FBXL20: variants seen among roughly 807,000 people sequenced by gnomAD.
FBXL20 encodes F-box and leucine rich repeat protein 20.
FBXL20 carries 11 observed loss-of-function variants against 64.0 expected under a neutral mutation model. The observed-to-expected ratio is 0.17, with a 90% CI of 0.11 to 0.28. The LOEUF (loss-of-function observed/expected upper bound fraction) is 0.28, where lower values mean the gene tolerates loss of function less well. Ranked by LOEUF, FBXL20 falls within the 10% of genes least tolerant of loss-of-function variation. The pLI, the probability that FBXL20 is intolerant of heterozygous loss-of-function variation, is 1.00. For synonymous variants in FBXL20, 184 were observed against 189.0 expected, an observed-to-expected ratio of 0.97 and a Z score of 0.22; for missense variants, 303 against 526.2, an observed-to-expected ratio of 0.58 and a Z score of 4.15.
chr17:39,307,216 G>A (rs1191092642), intron 2 of FBXL20, among the ~76,000 whole-genome samples: 1 of 152,128 alleles, frequency 6.6e-6, no homozygotes, highest in Non-Finnish European at 1.5e-5. Flanking sequence ...CTACTGTTGA[G>A]TAACTCACGG....
At chr17:39,373,961 C>A (rs1184942052) in intron 1 of FBXL20, among the ~76,000 whole-genome samples, 1 of 152,104 alleles carries the variant, frequency 6.6e-6, no homozygotes, top group African/African-American at 2.4e-5. Flanking sequence ...GTGGTCCACG[C>A]CTGTATTCCC....
Position 39,259,775 on chromosome 17 carries a change from G to C in FBXL20, c.*1685C>G, listed in dbSNP as rs1200273235. The C allele has an allele frequency of 6.6e-6, 1 of 152,122 alleles. No homozygotes were observed. The highest frequency in any genetic ancestry group is 2.4e-5 in the African/African-American group (1 of 41,342). 9.4% of individuals were successfully genotyped at this position (152,122 alleles called of 1,614,324 possible). ...GAGGCAGGTGGATCATTTGAGGTCAGGAGTTCAAGACCAGGCTGGCCAACA... is the reference window on the plus strand; with the variant it reads ...GAGGCAGGTGGATCATTTGAGGTCACGAGTTCAAGACCAGGCTGGCCAACA... On this transcript the variant is annotated 3_prime_UTR_variant, in exon 15 of 15. Transcript: ENST00000264658.
intron 2 of FBXL20, among the ~76,000 whole-genome samples, chr17:39,315,393 T>TTATATATATATA (rs59563317): frequency 0.027 from 3,590 of 134,396 alleles, 120 homozygotes; most frequent in African/African-American, 0.06. Flanking sequence ...TTTAAATAAT[T>TTATATATATATA]TATATATATA....
intron 6 of FBXL20, among the ~76,000 whole-genome samples, chr17:39,287,570 T>C (rs1162982107): frequency 1.3e-5 from 2 of 152,090 alleles, no homozygotes; most frequent in Non-Finnish European, 2.9e-5. Flanking sequence ...TCACACCTAA[T>C]TAAAAAAATT....
intron 2 of FBXL20, among the ~76,000 whole-genome samples, chr17:39,322,107 C>T (rs2047361800): frequency 7.5e-6 from 1 of 132,706 alleles, no homozygotes; most frequent in African/African-American, 2.9e-5. Flanking sequence ...AGGAGGATCA[C>T]TTGAGGGTAG....
intron 2 of FBXL20, among the ~76,000 whole-genome samples, chr17:39,342,776 G>A (rs2144570970): frequency 6.6e-6 from 1 of 151,548 alleles, no homozygotes; most frequent in African/African-American, 2.4e-5. Flanking sequence ...CAGCTACTCA[G>A]GAGGCTGAGG....
At chr17:39,283,093 T>C (rs781282153) in intron 7 of FBXL20, among the ~76,000 whole-genome samples, 1 of 152,166 alleles carries the variant, frequency 6.6e-6, no homozygotes, top group East Asian at 1.9e-4. Flanking sequence ...CATTATAATG[T>C]TTTTCAGATT....
intron 2 of FBXL20, among the ~76,000 whole-genome samples, chr17:39,310,419 C>T (rs2144482312): frequency 6.6e-6 from 1 of 152,174 alleles, no homozygotes; most frequent in East Asian, 1.9e-4. Flanking sequence ...CCGCCAGTTA[C>T]CTAATCTAAG....
intron 1 of FBXL20, among the ~76,000 whole-genome samples, chr17:39,373,590 T>C (rs192406996): frequency 9.0e-4 from 137 of 152,364 alleles, no homozygotes; most frequent in African/African-American, 3.1e-3. Flanking sequence ...GGAATGCTTT[T>C]CTTGAGACCT....
chr17:39,303,518 T>C, intron 3 of FBXL20, 67 bp downstream of exon 3: 1 of 1,310,086 alleles, frequency 7.6e-7, no homozygotes, highest in South Asian at 1.4e-5. Context: ...ATGGATGGCC[T>C]ATGAAAGAGG....
chr17:39,275,123 T>A lies in FBXL20; in HGVS notation c.697-23A>T. The A allele has an allele frequency of 2.5e-6, 4 of 1,595,726 alleles. No individual in the cohort carries two copies. The South Asian group carries it at 4.6e-5, about 18-fold the overall frequency. ...TTGCTAAAAAACAAGAGCAAAAAAA[T>A]CCATAGATATTAGTATCTTAGCAAA... On this transcript the variant is annotated intron_variant, in intron 9 of 14. Transcript: ENST00000264658.
At chr17:39,398,978 G>GTTAA (rs1304209687) in intron 1 of FBXL20, among the ~76,000 whole-genome samples, 1 of 152,034 alleles carries the variant, frequency 6.6e-6, no homozygotes, top group Non-Finnish European at 1.5e-5. Context: ...CGGCCCCTTG[G>GTTAA]TTTTAAATTA....
Position 39,343,200 on chromosome 17 carries a change from A to C in FBXL20, c.84T>G (p.Leu28=). Residue 28 remains leucine, a synonymous_variant, in exon 2 of 15, where the codon CTT becomes CTG. Transcript: ENST00000264658. ...NSDEAVINKK[L]PKELLLRIFS... is the part of the protein sequence containing the mutation. ...CTTACCGTAACAGGAGTTCTTTGGGAAGTTTTTTATTGATTACAGCTTCAT... is the reference window on the plus strand; with the variant it reads ...CTTACCGTAACAGGAGTTCTTTGGGCAGTTTTTTATTGATTACAGCTTCAT... 6.2e-7 allele frequency: 1 copy of C among 1,604,676 alleles called. No individual in the cohort carries two copies. The highest frequency in any genetic ancestry group is 1.3e-5 in the African/African-American group (1 of 74,652).
At chr17:39,306,034 A>G (rs888114120) in intron 2 of FBXL20, among the ~76,000 whole-genome samples, 1 of 151,932 alleles carries the variant, frequency 6.6e-6, no homozygotes, top group East Asian at 1.9e-4. Flanking sequence ...GCATGCTGGT[A>G]TATGCCTGTA....
At chr17:39,363,206 G>T (rs1340300931) in intron 1 of FBXL20, among the ~76,000 whole-genome samples, 7 of 150,900 alleles carry the variant, frequency 4.6e-5, no homozygotes, top group Non-Finnish European at 8.9e-5. Context: ...TAGAGACAGG[G>T]TTTCTCCATG....
intron 1 of FBXL20, among the ~76,000 whole-genome samples, chr17:39,387,739 A>T (rs1182871430): frequency 1.3e-5 from 2 of 151,766 alleles, no homozygotes; most frequent in Non-Finnish European, 2.9e-5. Context: ...CATCATGCCC[A>T]GCTAATTTTT....
intron 1 of FBXL20, among the ~76,000 whole-genome samples, chr17:39,370,391 G>A (rs2047904960): frequency 1.3e-5 from 2 of 152,050 alleles, no homozygotes; most frequent in South Asian, 2.1e-4. Context: ...CTCAGGGGTT[G>A]AGGCAGAAGC....
intron 2 of FBXL20, among the ~76,000 whole-genome samples, chr17:39,331,321 G>T (rs527858768): frequency 1.1e-4 from 17 of 152,046 alleles, no homozygotes; most frequent in Admixed American, 9.2e-4. Context: ...GGCTGGTCTC[G>T]AACTCCTGGA....
At chr17:39,297,787 G>A (rs774799375) in intron 5 of FBXL20, among the ~76,000 whole-genome samples, 2 of 152,190 alleles carry the variant, frequency 1.3e-5, no homozygotes, top group Admixed American at 6.6e-5. Flanking sequence ...CCAGGCTGGA[G>A]TATAGTGGTG....
Sources: gnomAD v4.1 joint callset for allele counts (sites outside exome capture counted in the v4.1 genomes callset) on GRCh38, gnomAD v4.1.1 for gene constraint, MANE v1.5 for transcripts, NCBI Gene and HGNC (gene_info 2026-07-23, HGNC 2026-07-21) for gene names.